Variants in ULK4 observed in about 807,000 individuals in gnomAD.
The protein encoded by ULK4 is unc-51 like kinase 4.
ULK4 carries 133 observed loss-of-function variants against 160.6 expected under a neutral mutation model. The observed-to-expected ratio is 0.83, with a 90% CI of 0.72 to 0.96. The LOEUF (loss-of-function observed/expected upper bound fraction) is 0.96, where lower values mean the gene tolerates loss of function less well. ULK4 is among the 40% of genes least tolerant of loss of function. The pLI is 0.00. For missense variants in ULK4, 1,580 were observed against 1,499.5 expected (o/e 1.05, Z -0.89); for synonymous variants, 534 against 539.8 (o/e 0.99, Z 0.15).
chr3:41,392,194 A>G (rs2081971553), intron 35 of ULK4, among the ~76,000 whole-genome samples: 1 of 152,136 alleles, frequency 6.6e-6, no homozygotes, highest in Non-Finnish European at 1.5e-5. Context: ...TCACATTTTT[A>G]AAGCTAAAGC....
intron 13 of ULK4, among the ~76,000 whole-genome samples, chr3:41,899,934 G>A (rs570089138): frequency 1.6e-4 from 24 of 151,792 alleles, no homozygotes; most frequent in Non-Finnish European, 2.2e-4. Context: ...CCACAGTAAC[G>A]TTCCCAATGA....
chr3:41,849,549 T>C (rs2042157183), intron 17 of ULK4, among the ~76,000 whole-genome samples: 1 of 152,224 alleles, frequency 6.6e-6, no homozygotes, highest in Non-Finnish European at 1.5e-5. Flanking sequence ...AAATACTCTG[T>C]ATTATACTAT....
chr3:41,685,236 CTTG>C lies in ULK4; in HGVS notation c.2782-3435_2782-3433del, dbSNP rs554114100. Among the ~76,000 whole-genome samples, 48 of 152,334 alleles carry C rather than the reference CTTG, an allele frequency of 3.2e-4. 1 individual carries two copies. The South Asian group carries it at 8.7e-3, about 28-fold the overall frequency. On this transcript the variant is annotated intron_variant, in intron 27 of 36. Transcript: ENST00000301831. ...CTAAAAGGTTAGGCAAGGACAATAACTTGTTCAGCAGGAAGTAGCTTCTGAAGA... is the reference window on the plus strand; with the variant it reads ...CTAAAAGGTTAGGCAAGGACAATAACTTCAGCAGGAAGTAGCTTCTGAAGA...
chr3:41,384,548 C>G (rs1575495293), intron 35 of ULK4, among the ~76,000 whole-genome samples: 1 of 152,052 alleles, frequency 6.6e-6, no homozygotes. Context: ...CAGATGAGAT[C>G]GGGTGCGTTC....
chr3:41,442,518 A>G (rs924274605), intron 34 of ULK4, among the ~76,000 whole-genome samples: 1 of 152,194 alleles, frequency 6.6e-6, no homozygotes, highest in Non-Finnish European at 1.5e-5. Context: ...CAAAGTTAAA[A>G]CATGCAAAAT....
In ULK4 at chr3:41,769,284, A is replaced by G. The variant is rs116318262; in HGVS notation, c.2194-14796T>C. 6.2e-3 allele frequency among the ~76,000 whole-genome samples: 951 copies of G among 152,342 alleles called. 9 individuals are homozygous for G. The highest frequency in any genetic ancestry group is 0.022 in the African/African-American group (910 of 41,568). On this transcript the variant is annotated intron_variant, in intron 21 of 36. Coordinates refer to ENST00000301831, the MANE Select transcript of ULK4 (RefSeq NM_017886.4). Reference sequence around the variant, plus strand: ...CCTACAACTAGTTGCCTAGGATTCTATATTTAACCTTAAGCAATGTGTACC... The same window carrying G: ...CCTACAACTAGTTGCCTAGGATTCTGTATTTAACCTTAAGCAATGTGTACC...
At position 41,375,967 on chromosome 3, in the gene ULK4, G is replaced by A. The variant is rs190753583; in HGVS notation, c.3678+22112C>T. On this transcript the variant is annotated intron_variant, in intron 35 of 36. Coordinates refer to ENST00000301831, the MANE Select transcript of ULK4 (RefSeq NM_017886.4). ...AAACAAACAACCCCATGAAAAAATG[G>A]GCAAAGGATATGAACAGACACTTCT... Among the ~76,000 whole-genome samples the A allele has an allele frequency of 2.7e-5, 4 of 150,262 alleles. No individual in the cohort carries two copies. In the East Asian group the frequency reaches 8.3e-4, roughly 31 times the overall value.
chr3:41,590,151 T>C (rs1057021533), intron 31 of ULK4, among the ~76,000 whole-genome samples: 17 of 151,632 alleles, frequency 1.1e-4, no homozygotes, highest in South Asian at 2.1e-4. Flanking sequence ...TACAGGCGCC[T>C]GCCACCACGC....
At chr3:41,356,861 G>A (rs2081040459) in intron 35 of ULK4, among the ~76,000 whole-genome samples, 1 of 152,114 alleles carries the variant, frequency 6.6e-6, no homozygotes, top group African/African-American at 2.4e-5. Context: ...TGGGGTGCAA[G>A]GAAGAATGAG....
rs1198963262 is a variant in ULK4, at chr3:41,377,701, G to A, written c.3678+20378C>T. Among the ~76,000 whole-genome samples, 464 of 147,422 alleles carry A rather than the reference G, an allele frequency of 3.1e-3. 1 individual carries two copies. The highest frequency in any genetic ancestry group is 9.9e-3 in the African/African-American group (381 of 38,640). On this transcript the variant is annotated intron_variant, in intron 35 of 36. Transcript: ENST00000301831. ...ACCATCTCACACCAGTTAGAATGGC[G>A]ATCATTAAAAAGTCAGGAAACAACA...
intron 35 of ULK4, among the ~76,000 whole-genome samples, chr3:41,273,591 T>C (rs923365515): frequency 3.9e-5 from 6 of 152,196 alleles, no homozygotes; most frequent in African/African-American, 1.4e-4. Context: ...ATGGAATCTG[T>C]TGGGCCCCAC....
In ULK4 at chr3:41,589,897, A is replaced by G. The variant is rs773019529; in HGVS notation, c.3121-23767T>C. 5.4e-4 allele frequency among the ~76,000 whole-genome samples: 82 copies of G among 152,310 alleles called. 1 individual carries two copies. The highest frequency in any genetic ancestry group is 8.1e-4 in the Non-Finnish European group (55 of 68,012). On this transcript the variant is annotated intron_variant, in intron 31 of 36. Transcript: ENST00000301831. ...AATGACAAATAGTCCAAGTTCAAAC[A>G]AAAAAGCTAAAATTTCTATTATAAA... is the stretch of plus-strand genomic sequence containing the variant.
chr3:41,790,093 C>T (rs1464729320), intron 20 of ULK4, among the ~76,000 whole-genome samples: 3 of 152,184 alleles, frequency 2.0e-5, no homozygotes, highest in African/African-American at 7.2e-5. Context: ...TTGATAAATT[C>T]ATAAGCCTAT....
chr3:41,450,214 C>T (rs548456852), intron 34 of ULK4, among the ~76,000 whole-genome samples: 1 of 152,054 alleles, frequency 6.6e-6, no homozygotes, highest in Non-Finnish European at 1.5e-5. Flanking sequence ...AAATAAGCAC[C>T]TTGCTTTATC....
At chr3:41,754,523 C>T (rs1221895787) in intron 21 of ULK4, 35 bp from the exon 22 acceptor site, 2 of 1,592,798 alleles carry the variant, frequency 1.3e-6, no homozygotes, top group Non-Finnish European at 8.5e-7. Context: ...TTTGAGAGAA[C>T]ATAAAAAAAT....
chr3:41,672,997 C>T (rs570119944), intron 29 of ULK4, among the ~76,000 whole-genome samples: 4 of 152,100 alleles, frequency 2.6e-5, no homozygotes, highest in South Asian at 2.1e-4. Flanking sequence ...ATCACCATGC[C>T]CAGCTAATTT....
chr3:41,643,198 A>C (rs1317737560), intron 30 of ULK4, among the ~76,000 whole-genome samples: 1 of 152,102 alleles, frequency 6.6e-6, no homozygotes, highest in Non-Finnish European at 1.5e-5. Flanking sequence ...TAGTTTAATT[A>C]GATCCCATTT....
intron 35 of ULK4, among the ~76,000 whole-genome samples, chr3:41,256,794 G>A (rs574630262): frequency 1.3e-5 from 2 of 152,220 alleles, no homozygotes; most frequent in African/African-American, 4.8e-5. Flanking sequence ...CCATAGACTT[G>A]GAGAAAATAT....
At chr3:41,785,950 C>T (rs1055842201) in intron 21 of ULK4, among the ~76,000 whole-genome samples, 1 of 151,914 alleles carries the variant, frequency 6.6e-6, no homozygotes, top group Admixed American at 6.6e-5. Flanking sequence ...GAAGGCTGAA[C>T]CACAAAGTTC....
Sources: allele counts gnomAD v4.1 joint callset (sites outside exome capture counted in the v4.1 genomes callset), GRCh38; gene constraint gnomAD v4.1.1; transcripts MANE v1.5; gene names NCBI Gene and HGNC (gene_info 2026-07-23, HGNC 2026-07-21).